The following RGS3 variants were observed in gnomAD, a reference collection of about 807,000 sequenced individuals.
RGS3 encodes the protein regulator of G protein signaling 3, also known as regulator of G-protein signalling 3.
Under a neutral mutation model 132.6 loss-of-function variants are expected in RGS3, and 80 were observed. That is an observed-to-expected ratio of 0.60 (90% CI 0.50 to 0.73). The LOEUF (loss-of-function observed/expected upper bound fraction) is 0.73. RGS3 is among the 30% of genes least tolerant of loss of function. The pLI, the probability that RGS3 is intolerant of heterozygous loss-of-function variation, is 0.00. For missense variants in RGS3, 1,382 were observed against 1,530.8 expected (o/e 0.90, Z 1.62); for synonymous variants, 598 against 620.6 (o/e 0.96, Z 0.54).
chr9:113,460,572 C>A (rs1451402132), intron 1 of RGS3, among the ~76,000 whole-genome samples: 1 of 151,922 alleles, frequency 6.6e-6, no homozygotes. Context: ...CCTCTTCTAA[C>A]TTTTTGAAAT....
At chr9:113,478,927 A>G (rs1830074439) in intron 3 of RGS3, 1 of 158,346 alleles carries the variant, frequency 6.3e-6, no homozygotes, top group Non-Finnish European at 1.4e-5. Flanking sequence ...ATATACAGCT[A>G]TAGATGGTTT....
At chr9:113,517,478 C>T (rs1232510382) in intron 15 of RGS3, 63 bp from the exon 14 acceptor site, 1 of 1,352,938 alleles carries the variant, frequency 7.4e-7, no homozygotes, top group Non-Finnish European at 1.1e-6. Context: ...GCTGCTGCTT[C>T]CTCCCCCCGG....
At position 113,506,378 on chromosome 9, in the gene RGS3, G is replaced by T. The variant is rs748760000; in HGVS notation, c.980-10G>T. The T allele has an allele frequency of 6.4e-7, 1 of 1,569,558 alleles. No homozygotes were observed. Among genetic ancestry groups the T allele is most frequent in the East Asian group, 2.3e-5 (1 of 43,560 alleles). ...AGGGGCCCCTGAATGGCTTTTCTTT[G>T]TCCCTGCAGGGGGTCCGGCGGAACG... is the stretch of plus-strand genomic sequence containing the variant. On this transcript the variant is annotated splice_polypyrimidine_tract_variant and intron_variant, in intron 11 of 24. Transcript: ENST00000350696. This position sits in a 1 kb window ranked among gnomAD's most constrained non-coding sequence, Gnocchi z 4.7.
intron 10 of RGS3, among the ~76,000 whole-genome samples, chr9:113,502,470 C>A (rs1830943908): frequency 6.6e-6 from 1 of 152,246 alleles, no homozygotes; most frequent in South Asian, 2.1e-4. Context: ...GCCCCCCCAC[C>A]TGCCTGCTAG....
exon 25 of RGS3, chr9:113,597,033 G>A (rs1268060930): frequency 7.9e-7 from 1 of 1,264,762 alleles, no homozygotes; most frequent in Non-Finnish European, 1.1e-6. Context: ...CCCTGTGACG[G>A]AGGGGGCAAG....
At chr9:113,485,940 A>G (rs996400795) in intron 7 of RGS3, among the ~76,000 whole-genome samples, 4 of 152,218 alleles carry the variant, frequency 2.6e-5, no homozygotes, top group African/African-American at 2.4e-5. Flanking sequence ...TCACTGGGGA[A>G]GCCGACCAGC....
chr9:113,501,321 C>A (rs1260354697), intron 10 of RGS3: 1 of 1,042,178 alleles, frequency 9.6e-7, no homozygotes, highest in Non-Finnish European at 1.3e-6. Flanking sequence ...GGAATACTAA[C>A]TAGTTGACAG....
intron 1 of RGS3, among the ~76,000 whole-genome samples, chr9:113,460,921 G>A (rs1009454303): frequency 1.3e-5 from 2 of 152,064 alleles, no homozygotes; most frequent in African/African-American, 4.8e-5. Flanking sequence ...ATCATTGCTC[G>A]ATACTTTATT....
intron 21 of RGS3, chr9:113,593,534 T>C (rs112845189): frequency 1.3e-3 from 237 of 187,928 alleles, no homozygotes; most frequent in African/African-American, 5.4e-3. Flanking sequence ...TTATAGGACT[T>C]GTACTTCTGA....
intron 19 of RGS3, among the ~76,000 whole-genome samples, chr9:113,566,801 T>G (rs1588261730): frequency 6.6e-6 from 1 of 152,300 alleles, no homozygotes; most frequent in South Asian, 2.1e-4. Context: ...TGGGTACATC[T>G]CCTCAAGGGA....
At chr9:113,577,486 A>G (rs980193166) in intron 19 of RGS3, among the ~76,000 whole-genome samples, 25 of 152,334 alleles carry the variant, frequency 1.6e-4, no homozygotes, top group African/African-American at 6.0e-4. Flanking sequence ...TGGTTTGGGC[A>G]ACTGGTGGTG....
At chr9:113,486,815 C>A (rs1830345978) in intron 7 of RGS3, among the ~76,000 whole-genome samples, 1 of 152,176 alleles carries the variant, frequency 6.6e-6, no homozygotes, top group South Asian at 2.1e-4. Context: ...ATTTAACATA[C>A]AAAACGAAGG....
chr9:113,545,659 C>G (rs1833080977), intron 19 of RGS3, among the ~76,000 whole-genome samples: 1 of 152,196 alleles, frequency 6.6e-6, no homozygotes, highest in African/African-American at 2.4e-5. Flanking sequence ...TAGGGCCATC[C>G]ATCCTCCAAA....
At chr9:113,461,662 C>G in intron 1 of RGS3, 2 of 1,579,990 alleles carry the variant, frequency 1.3e-6, no homozygotes, top group East Asian at 2.2e-5. Context: ...GTTCCCATTA[C>G]CGGGTGTAAG....
chr9:113,590,868 G>A (rs1267490071), intron 20 of RGS3, among the ~76,000 whole-genome samples: 2 of 152,208 alleles, frequency 1.3e-5, no homozygotes, highest in African/African-American at 4.8e-5. Flanking sequence ...TCAGGCCTGT[G>A]TAATGATTTA....
chr9:113,526,973 C>T (rs1031416449), intron 17 of RGS3, among the ~76,000 whole-genome samples: 5 of 152,220 alleles, frequency 3.3e-5, no homozygotes, highest in Admixed American at 6.5e-5. Flanking sequence ...AGCTCCTCTC[C>T]GGCACCCTTG....
At chr9:113,590,252 G>A (rs1010324053) in intron 20 of RGS3, among the ~76,000 whole-genome samples, 2 of 152,154 alleles carry the variant, frequency 1.3e-5, no homozygotes, top group African/African-American at 4.8e-5. Flanking sequence ...TAATGAGATA[G>A]TATCTGAATT....
intron 19 of RGS3, chr9:113,541,738 G>T: frequency 3.8e-6 from 4 of 1,043,062 alleles, no homozygotes; most frequent in Middle Eastern, 4.5e-4. Context: ...GGTGGCTCCC[G>T]GACCTGCCTT....
At chr9:113,588,064 T>C (rs367874099) in intron 20 of RGS3, among the ~76,000 whole-genome samples, 3 of 152,204 alleles carry the variant, frequency 2.0e-5, no homozygotes, top group Admixed American at 2.0e-4. Context: ...CAGAGGGTCA[T>C]GGGCTATTCT....
Sources: allele counts gnomAD v4.1 joint callset (sites outside exome capture counted in the v4.1 genomes callset), GRCh38; gene constraint gnomAD v4.1.1; non-coding constraint Gnocchi (gnomAD v3.1); transcripts MANE v1.5; gene names NCBI Gene and HGNC (gene_info 2026-07-23, HGNC 2026-07-21).